The following LOXHD1 variants were observed in gnomAD, a reference collection of about 807,000 sequenced individuals.
LOXHD1 encodes lipoxygenase homology PLAT domains 1, also known as lipoxygenase homology domain-containing protein 1.
In LOXHD1, 205 loss-of-function variants were observed where a neutral mutation model predicts 248.2. The observed-to-expected ratio is 0.83, with a 90% CI of 0.74 to 0.93. The LOEUF is 0.93. Among genes scored for constraint, LOXHD1 ranks in the 40% least tolerant of loss-of-function variants. LOXHD1 has a pLI of 0.00. For missense variants in LOXHD1, 2,930 were observed against 2,971.6 expected (o/e 0.99, Z 0.33); for synonymous variants, 1,113 against 1,162.8 (o/e 0.96, Z 0.87).
In LOXHD1 at chr18:46,487,091, G is replaced by A. The variant is rs564056408; in HGVS notation, c.6049+1881C>T. ...ATGAGCCCCATCTAACAGATCTCCCGTGGGGCCAGCACACCCAAGGACAAG... is the reference window on the plus strand; with the variant it reads ...ATGAGCCCCATCTAACAGATCTCCCATGGGGCCAGCACACCCAAGGACAAG... On this transcript the variant is annotated intron_variant, in intron 38 of 40. Coordinates refer to ENST00000642948, the MANE Select transcript of LOXHD1 (RefSeq NM_001384474.1). Among the ~76,000 whole-genome samples, 76 of 152,238 alleles carry A rather than the reference G, an allele frequency of 5.0e-4. 4 individuals carry two copies. In the South Asian group the frequency reaches 0.012, roughly 25 times the overall value.
intron 16 of LOXHD1, among the ~76,000 whole-genome samples, chr18:46,567,816 G>T (rs1427466031): frequency 6.6e-6 from 1 of 152,180 alleles, no homozygotes; most frequent in East Asian, 1.9e-4. Flanking sequence ...GTGGAAATGG[G>T]TCTCAAATAT....
chr18:46,611,569 T>C (rs942556626), intron 5 of LOXHD1, among the ~76,000 whole-genome samples: 4 of 152,234 alleles, frequency 2.6e-5, no homozygotes, highest in Non-Finnish European at 5.9e-5. Context: ...CATTATTGTG[T>C]ATCTACAAAT....
rs1255144762 is a variant in LOXHD1, at chr18:46,566,410, G to A, written c.2284C>T (p.His762Tyr). Reference protein sequence around the residue: ...LVIGHDSTGMHASWFLGSVQI... With the variant: ...LVIGHDSTGMYASWFLGSVQI... Reference sequence around the variant, plus strand: ...ACGCTGCCCAGGAACCAGCTGGCATGCATGCCAGTGCTGTCATGCCCAATC... The same window carrying A: ...ACGCTGCCCAGGAACCAGCTGGCATACATGCCAGTGCTGTCATGCCCAATC... The change falls in exon 17 of 41, where the codon CAT (histidine) becomes TAT (tyrosine). Residue 762 changes from histidine to tyrosine, a missense_variant. Coordinates refer to ENST00000642948, the MANE Select transcript of LOXHD1 (RefSeq NM_001384474.1). 6.4e-7 allele frequency: 1 copy of A among 1,551,138 alleles called. No individual in the cohort carries two copies. The highest frequency in any genetic ancestry group is 2.4e-5 in the East Asian group (1 of 40,920).
At chr18:46,528,604 T>C (rs1598924250) in intron 29 of LOXHD1, among the ~76,000 whole-genome samples, 1 of 151,736 alleles carries the variant, frequency 6.6e-6, no homozygotes, top group Non-Finnish European at 1.5e-5. Flanking sequence ...TGGGAGGGAG[T>C]GGGGTGTCCA....
Position 46,559,468 on chromosome 18 carries a change from T to C in LOXHD1, c.3196A>G (p.Asn1066Asp), listed in dbSNP as rs1327346351. The change falls in exon 20 of 41, where the codon AAC becomes GAC. Residue 1066 changes from asparagine (N) to aspartate (D), a missense_variant. Coordinates refer to ENST00000642948, the MANE Select transcript of LOXHD1 (RefSeq NM_001384474.1). Reference protein sequence around the residue: ...ERPLKKSDKSNKFEQGQTDTF... With the variant: ...ERPLKKSDKSDKFEQGQTDTF... ...CCTACCTGCCCCTGCTCAAATTTGT[T>C]GGACTTGTCTGACTTCTTCAGGGGT... is the stretch of plus-strand genomic sequence containing the variant. 3 of 1,551,978 alleles carry C rather than the reference T, an allele frequency of 1.9e-6. No homozygotes were observed. The highest frequency in any genetic ancestry group is 2.7e-5 in the African/African-American group (2 of 73,034).
At position 46,579,723 on chromosome 18, in the gene LOXHD1, G is replaced by A. The variant is rs147582935; in HGVS notation, c.1716C>T (p.Asn572=). ...CATCACCAAAAAGGCAGAGATAGACGTTGGCATCGGTCCCAGCACCTTCAA... is the reference window on the plus strand; with the variant it reads ...CATCACCAAAAAGGCAGAGATAGACATTGGCATCGGTCCCAGCACCTTCAA... The part of the protein sequence containing the change: ...GELEGAGTDA[N]VYLCLFGDVG... The change falls in exon 13 of 41, where the codon AAC becomes AAT. Residue 572 remains asparagine (N), a synonymous_variant. Transcript: ENST00000642948. 1.6e-4 allele frequency: 247 copies of A among 1,551,778 alleles called. No homozygotes were observed. The East Asian group carries it at 1.9e-3, about 12-fold the overall frequency.
In LOXHD1 at chr18:46,521,272, T is replaced by G. The variant is rs899218889; in HGVS notation, c.5096A>C (p.Asp1699Ala). Residue 1699 changes from aspartate to alanine, a missense_variant, in exon 33 of 41, where the codon GAC (aspartate) becomes GCC (alanine). Transcript: ENST00000642948. ...GIIKKIELGH[D>A]GASPESCWLV... The stretch of plus-strand genomic sequence containing the variant: ...CCAGCAGCTCTCAGGGGAGGCCCCG[T>G]CATGGCCCAGCTAGGAGGAGACACA... 5.8e-6 allele frequency: 9 copies of G among 1,551,548 alleles called. No homozygotes were observed. The African/African-American group carries it at 1.2e-4, about 21-fold the overall frequency.
At chr18:46,478,669 CCTTTA>C (rs2032256229) in intron 40 of LOXHD1, among the ~76,000 whole-genome samples, 1 of 152,034 alleles carries the variant, frequency 6.6e-6, no homozygotes, top group Non-Finnish European at 1.5e-5. Context: ...CCTGTGTTTT[CCTTTA>C]TTCATTTTTA....
At chr18:46,522,371 G>T in intron 31 of LOXHD1, 62 bp from the exon 32 acceptor site, 1 of 1,397,652 alleles carries the variant, frequency 7.2e-7, no homozygotes, top group Non-Finnish European at 9.9e-7. Context: ...CTGCCTCATA[G>T]ACTCACAGAT....
chr18:46,644,213 G>A (rs2038998965), intron 2 of LOXHD1, among the ~76,000 whole-genome samples: 1 of 152,206 alleles, frequency 6.6e-6, no homozygotes, highest in Non-Finnish European at 1.5e-5. Context: ...TTCATCTTCT[G>A]ATGGTGCCTG....
intron 29 of LOXHD1, among the ~76,000 whole-genome samples, chr18:46,527,229 T>C (rs1483501800): frequency 6.6e-6 from 1 of 152,188 alleles, no homozygotes; most frequent in African/African-American, 2.4e-5. Context: ...TCCATATTTA[T>C]TGAATGCCCA....
intron 6 of LOXHD1, among the ~76,000 whole-genome samples, chr18:46,607,969 CT>C (rs1434150222): frequency 2.7e-5 from 4 of 149,094 alleles, no homozygotes; most frequent in African/African-American, 7.4e-5. Flanking sequence ...AACAAATAGC[CT>C]GCCCATCAGA....
intron 34 of LOXHD1, among the ~76,000 whole-genome samples, chr18:46,516,586 T>TTCATCACAATTATCATCCCTACCA: frequency 6.6e-6 from 1 of 152,164 alleles, no homozygotes; most frequent in East Asian, 1.9e-4. Flanking sequence ...CAACACCACC[T>TTCATCACAATTATCATCCCTACCA]TCATCACAAT....
intron 21 of LOXHD1, among the ~76,000 whole-genome samples, chr18:46,554,681 T>G (rs1387243815): frequency 3.7e-4 from 49 of 131,682 alleles, no homozygotes; most frequent in Middle Eastern, 4.0e-3. Context: ...AAGGGGAGAG[T>G]GGAGGGAGGA....
chr18:46,572,587 T>C (rs1345755135), intron 14 of LOXHD1, among the ~76,000 whole-genome samples: 2 of 152,124 alleles, frequency 1.3e-5, no homozygotes, highest in African/African-American at 4.8e-5. Flanking sequence ...TCACATGATA[T>C]AGGGCCTTGG....
At chr18:46,611,009 T>C (rs1373250891) in intron 5 of LOXHD1, 85 bp from the exon 6 acceptor site, 1 of 1,491,354 alleles carries the variant, frequency 6.7e-7, no homozygotes. Context: ...CACTGAAAGA[T>C]GCTCTTCCAA....
chr18:46,509,603 A>T (rs1180937052), intron 35 of LOXHD1, 95 bp downstream of exon 35: 3 of 885,660 alleles, frequency 3.4e-6, no homozygotes, highest in South Asian at 1.4e-5. Flanking sequence ...CTACAGTGAC[A>T]TTTGTGCTTT....
intron 40 of LOXHD1, among the ~76,000 whole-genome samples, chr18:46,478,812 C>T (rs1011557601): frequency 1.3e-5 from 2 of 152,230 alleles, no homozygotes; most frequent in African/African-American, 4.8e-5. Flanking sequence ...CCTGCCTCAG[C>T]CTCCTGAGAA....
chr18:46,613,329 G>A (rs934335178), intron 5 of LOXHD1, among the ~76,000 whole-genome samples: 2 of 152,004 alleles, frequency 1.3e-5, no homozygotes, highest in African/African-American at 4.8e-5. Flanking sequence ...TAGGTAACTT[G>A]TAATTGCTAA....
Sources: gnomAD v4.1 joint callset for allele counts (sites outside exome capture counted in the v4.1 genomes callset) on GRCh38, gnomAD v4.1.1 for gene constraint, MANE v1.5 for transcripts, NCBI Gene and HGNC (gene_info 2026-07-23, HGNC 2026-07-21) for gene names.